Variants in CTBP1 observed in about 807,000 individuals in gnomAD.
CTBP1 encodes the protein C-terminal binding protein 1.
Under a neutral mutation model 42.1 loss-of-function variants are expected in CTBP1, and 11 were observed. That is an observed-to-expected ratio of 0.26 (90% CI 0.16 to 0.43). CTBP1 has a LOEUF of 0.43. Among genes scored for constraint, CTBP1 ranks in the 20% least tolerant of loss-of-function variants. The pLI, the probability that CTBP1 is intolerant of heterozygous loss-of-function variation, is 1.00. For missense variants in CTBP1, 399 were observed against 624.3 expected, an observed-to-expected ratio of 0.64 and a Z score of 3.85; for synonymous variants, 324 against 277.1, an observed-to-expected ratio of 1.17 and a Z score of -1.68.
intron 5 of CTBP1, among the ~76,000 whole-genome samples, chr4:1,220,118 C>G (rs1187402077): frequency 4.0e-5 from 6 of 151,194 alleles, no homozygotes; most frequent in African/African-American, 1.5e-4. Context: ...AGGAGAATTG[C>G]TTGAACCCAG....
chr4:1,240,907 G>A (rs1732110344), intron 2 of CTBP1, among the ~76,000 whole-genome samples: 1 of 152,196 alleles, frequency 6.6e-6, no homozygotes, highest in African/African-American at 2.4e-5. Context: ...GCACTTCCGG[G>A]CCAGAGAGCG....
chr4:1,244,110 CG>C, intron 1 of CTBP1: 5 of 985,358 alleles, frequency 5.1e-6, no homozygotes, highest in Non-Finnish European at 6.0e-6. Flanking sequence ...TGCACGGTGG[CG>C]GCCCGATGAC....
At chr4:1,237,947 G>A (rs1731738675) in intron 3 of CTBP1, 1 of 707,016 alleles carries the variant, frequency 1.4e-6, no homozygotes, top group Non-Finnish European at 2.6e-6. Flanking sequence ...TGGGGCACAG[G>A]GAAAACCCCG....
At chr4:1,230,778 C>T (rs991114388) in intron 3 of CTBP1, among the ~76,000 whole-genome samples, 3 of 152,256 alleles carry the variant, frequency 2.0e-5, no homozygotes, top group Admixed American at 6.5e-5. Context: ...TATTCATCCG[C>T]GCAGCCTTAA....
At chr4:1,221,295 AAGGATACGCGGC>A (rs1729706075) in intron 5 of CTBP1, among the ~76,000 whole-genome samples, 1 of 152,244 alleles carries the variant, frequency 6.6e-6, no homozygotes, top group African/African-American at 2.4e-5. Flanking sequence ...GAGTGCTGGC[AAGGATACGCGGC>A]TGCCGGAGCA....
In CTBP1 at chr4:1,212,204, C is replaced by T. The variant is rs368867475; in HGVS notation, c.*36G>A. ...TCTGGTCCGAGGGTTTCCGGGCCCT[C>T]TGCCCAGGCGCCGAGGCTGGAGAGC... On this transcript the variant is annotated 3_prime_UTR_variant, in exon 10 of 10. Transcript: ENST00000382952. The T allele has an allele frequency of 4.7e-5, 66 of 1,404,096 alleles. No individual in the cohort carries two copies. In the African/African-American group the frequency reaches 9.2e-4, roughly 20 times the overall value. 87.0% of individuals were successfully genotyped at this position (1,404,096 alleles called of 1,614,324 possible). A position where few individuals can be genotyped will look rare whatever the true frequency, so the allele number is the denominator to read the frequency against.
chr4:1,214,613 C>A, intron 6 of CTBP1, 140 bp from the exon 7 acceptor site: 1 of 1,139,982 alleles, frequency 8.8e-7, no homozygotes. Flanking sequence ...CTCACCACGG[C>A]GCTAGGACTG....
intron 1 of CTBP1, chr4:1,245,727 G>A (rs935638757): frequency 1.1e-5 from 11 of 972,458 alleles, no homozygotes; most frequent in Non-Finnish European, 1.3e-5. Context: ...AAGCAGGTCA[G>A]GGTGGCACGT....
Position 1,216,224 on chromosome 4 carries a change from A to C in CTBP1, c.515-19T>G. 3 of 1,604,078 alleles carry C rather than the reference A, an allele frequency of 1.9e-6. No individual in the cohort carries two copies. The highest frequency in any genetic ancestry group is 2.7e-5 in the African/African-American group (2 of 74,828). On this transcript the variant is annotated intron_variant, in intron 5 of 9. Transcript: ENST00000382952. ...ACGCGACCTGGTGGCGTCAAGACAC[A>C]GTGTGAGACCCTTGCTCACCCGTGG...
chr4:1,231,535 C>T (rs1730968356), intron 3 of CTBP1, among the ~76,000 whole-genome samples: 1 of 152,232 alleles, frequency 6.6e-6, no homozygotes, highest in Non-Finnish European at 1.5e-5. Flanking sequence ...CTCCTGGTGG[C>T]AGCTGGCTCT....
chr4:1,245,460 G>A lies in CTBP1; in HGVS notation c.-189+3456C>T, dbSNP rs1285430777. ...AACACAGTCTACACACGACACCACTGGAGAGACAGCCTCGGATGCCTCTGA... is the reference window on the plus strand; with the variant it reads ...AACACAGTCTACACACGACACCACTAGAGAGACAGCCTCGGATGCCTCTGA... On this transcript the variant is annotated intron_variant, in intron 1 of 9. Coordinates refer to ENST00000382952, the MANE Select transcript of CTBP1 (RefSeq NM_001012614.2). 6 of 985,418 alleles carry A rather than the reference G, an allele frequency of 6.1e-6. No individual in the cohort carries two copies. In the South Asian group the frequency reaches 2.3e-4, roughly 39 times the overall value. 61.0% of individuals were successfully genotyped at this position (985,418 alleles called of 1,614,324 possible). A position where few individuals can be genotyped will look rare whatever the true frequency, so the allele number is the denominator to read the frequency against.
intron 1 of CTBP1, chr4:1,245,688 C>T (rs1334507855): frequency 1.0e-6 from 1 of 980,844 alleles, no homozygotes; most frequent in Non-Finnish European, 1.2e-6. Flanking sequence ...CACGGGTGGG[C>T]AGGGTGGCAC....
At chr4:1,231,500 C>G (rs552023562) in intron 3 of CTBP1, among the ~76,000 whole-genome samples, 1 of 152,226 alleles carries the variant, frequency 6.6e-6, no homozygotes, top group Non-Finnish European at 1.5e-5. Flanking sequence ...CGGCTGCCAC[C>G]GGGCTGGAAA....
intron 2 of CTBP1, among the ~76,000 whole-genome samples, chr4:1,239,543 C>T (rs1731938995): frequency 6.6e-6 from 1 of 152,222 alleles, no homozygotes; most frequent in Non-Finnish European, 1.5e-5. Context: ...GAGCAGAGGC[C>T]ACCGAGCTGC....
At chr4:1,228,537 G>A (rs780417797) in intron 3 of CTBP1, among the ~76,000 whole-genome samples, 194 bp from the exon 4 acceptor site, 21 of 152,202 alleles carry the variant, frequency 1.4e-4, no homozygotes, top group Non-Finnish European at 2.8e-4. Context: ...CTGCCCAGGC[G>A]TCCTGAGTCC....
intron 5 of CTBP1, chr4:1,223,423 T>C (rs1490801882): frequency 8.8e-6 from 4 of 455,378 alleles, no homozygotes; most frequent in Non-Finnish European, 1.3e-5. Context: ...CCCACTAACC[T>C]AGGTGTGGCC....
At chr4:1,239,886 T>C (rs1437160463) in intron 2 of CTBP1, among the ~76,000 whole-genome samples, 1 of 152,260 alleles carries the variant, frequency 6.6e-6, no homozygotes, top group Non-Finnish European at 1.5e-5. Context: ...GGACGGGAGC[T>C]GCCCACGAGC....
At chr4:1,227,297 G>C (rs1692890506) in intron 4 of CTBP1, among the ~76,000 whole-genome samples, 2 of 152,148 alleles carry the variant, frequency 1.3e-5, no homozygotes. Flanking sequence ...GTGCAGATGA[G>C]TGTGCGTGAT....
chr4:1,241,543 C>T (rs747230533), intron 1 of CTBP1, 24 bp from the exon 2 acceptor site: 2 of 1,572,444 alleles, frequency 1.3e-6, no homozygotes, highest in Non-Finnish European at 1.7e-6. Flanking sequence ...ACAAGAGACA[C>T]ATTAAAATGC....
Sources: allele counts gnomAD v4.1 joint callset (sites outside exome capture counted in the v4.1 genomes callset), GRCh38; gene constraint gnomAD v4.1.1; transcripts MANE v1.5; gene names NCBI Gene and HGNC (gene_info 2026-07-23, HGNC 2026-07-21).